MTMR3: variants seen among roughly 807,000 people sequenced by gnomAD.
MTMR3 encodes the protein myotubularin related protein 3, also known as phosphatidylinositol-3,5-bisphosphate 3-phosphatase MTMR3.
Under a neutral mutation model 132.4 loss-of-function variants are expected in MTMR3, and 32 were observed. That is an observed-to-expected ratio of 0.24 (90% CI 0.18 to 0.32). The LOEUF (loss-of-function observed/expected upper bound fraction) is 0.32, where lower values mean the gene tolerates loss of function less well. Among genes scored for constraint, MTMR3 ranks in the 10% least tolerant of loss-of-function variants. The pLI is 1.00. For missense variants in MTMR3, 1,216 were observed against 1,489.6 expected (o/e 0.82, Z 3.02); for synonymous variants, 556 against 550.3 (o/e 1.01, Z -0.14).
In MTMR3 at chr22:29,971,001, G is replaced by A. The variant is rs2066523299; in HGVS notation, c.-59G>A. ...ACTTCACCATAAGGGAAAGAAGAGA[G>A]CCTTGTTGGACACTGAAGAAGGGAC... On this transcript the variant is annotated 5_prime_UTR_variant, in exon 3 of 20. Coordinates refer to ENST00000401950, the MANE Select transcript of MTMR3 (RefSeq NM_021090.4). The A allele has an allele frequency of 6.9e-7, 1 of 1,450,056 alleles. No individual in the cohort carries two copies. The highest frequency in any genetic ancestry group is 9.3e-7 in the Non-Finnish European group (1 of 1,072,786). 89.8% of individuals were successfully genotyped at this position (1,450,056 alleles called of 1,614,324 possible). A position where few individuals can be genotyped will look rare whatever the true frequency, so the allele number is the denominator to read the frequency against.
At chr22:29,936,284 G>C (rs2065748556) in intron 1 of MTMR3, among the ~76,000 whole-genome samples, 1 of 152,094 alleles carries the variant, frequency 6.6e-6, no homozygotes, top group Non-Finnish European at 1.5e-5. Flanking sequence ...TTATGCTTGG[G>C]AACTTTTAGG....
intron 1 of MTMR3, among the ~76,000 whole-genome samples, chr22:29,919,663 C>T (rs1287056592): frequency 6.6e-6 from 1 of 151,722 alleles, no homozygotes; most frequent in African/African-American, 2.4e-5. Flanking sequence ...GCTAAGACTA[C>T]AGGCATGTGC....
intron 1 of MTMR3, among the ~76,000 whole-genome samples, chr22:29,902,754 C>T (rs571306362): frequency 5.3e-5 from 8 of 152,282 alleles, no homozygotes; most frequent in Middle Eastern, 6.8e-3. Flanking sequence ...CCCCTCTCCT[C>T]CCCCAAGATG....
Position 30,012,531 on chromosome 22 carries a change from C to G in MTMR3, c.1285C>G (p.Leu429Val). The change falls in exon 13 of 20, where the codon CTC becomes GTC. Residue 429 changes from leucine to valine, a missense_variant. Leu to Val is a conservative substitution (Grantham distance 32). Coordinates refer to ENST00000401950, the MANE Select transcript of MTMR3 (RefSeq NM_021090.4). The stretch of plus-strand genomic sequence containing the variant: ...CCCCCAGATTGTGGCATTGGCTAAG[C>G]TCTTGCTGGACCCTTATTACCGAAC... ...RTPQIVALAK[L>V]LLDPYYRTIE... The G allele has an allele frequency of 6.2e-7, 1 of 1,613,496 alleles. No homozygotes were observed.
At chr22:29,979,940 C>G (rs2066707339) in intron 5 of MTMR3, 1 of 152,220 alleles carries the variant, frequency 6.6e-6, no homozygotes, top group South Asian at 2.1e-4. Context: ...TCTCAGTGAA[C>G]TGGTTCTTCC....
At chr22:29,919,440 C>T (rs1489888363) in intron 1 of MTMR3, among the ~76,000 whole-genome samples, 1 of 152,170 alleles carries the variant, frequency 6.6e-6, no homozygotes, top group African/African-American at 2.4e-5. Flanking sequence ...GTTGAAATTA[C>T]TGTCGTAAAA....
intron 1 of MTMR3, among the ~76,000 whole-genome samples, chr22:29,918,952 C>T (rs1280932574): frequency 6.6e-6 from 1 of 152,120 alleles, no homozygotes; most frequent in Admixed American, 6.6e-5. Flanking sequence ...CACTTTGTTG[C>T]TCAGGGTGAT....
Position 29,962,680 on chromosome 22 carries a change from C to T in MTMR3, c.-85+5592C>T, listed in dbSNP as rs146742021. Among the ~76,000 whole-genome samples the T allele has an allele frequency of 8.0e-3, 1,216 of 152,106 alleles. 23 individuals are homozygous for T. The highest frequency in any genetic ancestry group is 0.028 in the African/African-American group (1,173 of 41,498). Reference sequence around the variant, plus strand: ...GGGCAGCAGAGCAAGACCCTGTCTCCAAAACAAAACAGAACTTCATAGCTG... The same window carrying T: ...GGGCAGCAGAGCAAGACCCTGTCTCTAAAACAAAACAGAACTTCATAGCTG... On this transcript the variant is annotated intron_variant, in intron 2 of 19. Transcript: ENST00000401950.
Position 30,019,311 on chromosome 22 carries a change from C to G in MTMR3, c.1821-169C>G. On this transcript the variant is annotated intron_variant, in intron 16 of 19. Transcript: ENST00000401950. ...ATCTGCACACTAGGAGGACTTGTTCCGGAGCTTTGCTGCTCCAGCAGTCTG... is the reference window on the plus strand; with the variant it reads ...ATCTGCACACTAGGAGGACTTGTTCGGGAGCTTTGCTGCTCCAGCAGTCTG... The G allele has an allele frequency of 7.8e-6, 5 of 644,280 alleles. No individual in the cohort carries two copies. In the South Asian group the frequency reaches 1.0e-4, roughly 13 times the overall value. 39.9% of individuals were successfully genotyped at this position (644,280 alleles called of 1,614,324 possible). A position where few individuals can be genotyped will look rare whatever the true frequency, so the allele number is the denominator to read the frequency against.
Position 30,026,899 on chromosome 22 carries a change from T to G in MTMR3, c.*1098T>G, listed in dbSNP as rs2067921792. ...CTTCTCTTCTTGGGACAGGAATAAC[T>G]GCTGAGCAGTCCCCCTTTGCCACTC... On this transcript the variant is annotated 3_prime_UTR_variant, in exon 20 of 20. Coordinates refer to ENST00000401950, the MANE Select transcript of MTMR3 (RefSeq NM_021090.4). 6.5e-6 allele frequency: 1 copy of G among 152,834 alleles called. No individual in the cohort carries two copies. Among genetic ancestry groups the G allele is most frequent in the East Asian group, 1.9e-4 (1 of 5,328 alleles). 9.5% of individuals were successfully genotyped at this position (152,834 alleles called of 1,614,324 possible).
At chr22:30,013,233 G>A in intron 13 of MTMR3, 123 bp from the exon 14 acceptor site, 4 of 939,582 alleles carry the variant, frequency 4.3e-6, no homozygotes, top group Non-Finnish European at 6.4e-6. Flanking sequence ...CCACCAAAGG[G>A]CAAGGCCGGG....
intron 11 of MTMR3, 39 bp downstream of exon 11, chr22:30,008,071 T>C: frequency 6.2e-7 from 1 of 1,605,036 alleles, no homozygotes; most frequent in Non-Finnish European, 8.5e-7. Context: ...ACTTTCTCCT[T>C]GTGAGTGTAG....
intron 5 of MTMR3, chr22:29,985,263 G>A (rs1214633215): frequency 6.6e-6 from 1 of 152,158 alleles, no homozygotes; most frequent in African/African-American, 2.4e-5. Context: ...ACTTTGGGAG[G>A]CCTAGGCGGG....
intron 1 of MTMR3, among the ~76,000 whole-genome samples, chr22:29,911,009 T>C (rs2065201133): frequency 6.6e-6 from 1 of 152,206 alleles, no homozygotes; most frequent in Non-Finnish European, 1.5e-5. Context: ...CACTTAATTA[T>C]ACTAGTAAAA....
rs1277459769 is a variant in MTMR3 at position 29,991,291 on chromosome 22, T to A, written c.294-213T>A. On this transcript the variant is annotated intron_variant, in intron 6 of 19. Transcript: ENST00000401950. ...TCTAAAAAAATAGGTTTTCCAATGG[T>A]CAGCTTCCTCCTTTTGGACATTTTG... 3.7e-5 allele frequency: 15 copies of A among 401,954 alleles called. No homozygotes were observed. In the Middle Eastern group the frequency reaches 2.6e-3, roughly 69 times the overall value. The allele number at this position is 401,954 out of a possible 1,614,324, so 24.9% of individuals were successfully genotyped here.
intron 15 of MTMR3, 134 bp downstream of exon 15, chr22:30,016,832 T>A: frequency 1.9e-6 from 2 of 1,058,122 alleles, no homozygotes; most frequent in East Asian, 4.9e-5. Context: ...GTTCCATTTT[T>A]CCCCCATGAT....
rs1376931686 is a variant in MTMR3, at chr22:30,029,973, A to G, written c.*4172A>G. The G allele has an allele frequency of 6.6e-6, 1 of 152,314 alleles. No homozygotes were observed. The highest frequency in any genetic ancestry group is 2.4e-5 in the African/African-American group (1 of 41,438). 9.4% of individuals were successfully genotyped at this position (152,314 alleles called of 1,614,324 possible). A position where few individuals can be genotyped will look rare whatever the true frequency, so the allele number is the denominator to read the frequency against. On this transcript the variant is annotated 3_prime_UTR_variant, in exon 20 of 20. Coordinates refer to ENST00000401950, the MANE Select transcript of MTMR3 (RefSeq NM_021090.4). ...TCTAAGCCTCTGACACTTAAACACG[A>G]GTCCTGCTGTCCCCAGCACACAACT...
In MTMR3 at chr22:29,919,969, AC is replaced by A. The variant is rs1328595068; in HGVS notation, c.-138+36611del. On this transcript the variant is annotated intron_variant, in intron 1 of 19. Coordinates refer to ENST00000401950, the MANE Select transcript of MTMR3 (RefSeq NM_021090.4). ...TATTATTAAGATTTAGGTTCCCAGC[AC>A]TTTGGGAGGCTGAGGCGGGCAGATC... is the stretch of plus-strand genomic sequence containing the variant. Among the ~76,000 whole-genome samples the A allele has an allele frequency of 5.3e-5, 8 of 152,176 alleles. 1 individual carries two copies. Among genetic ancestry groups the A allele is most frequent in the African/African-American group, 1.9e-4 (8 of 41,448 alleles).
rs571288865 is a variant in MTMR3, at chr22:29,944,190, G to C, written c.-137-12846G>C. Among the ~76,000 whole-genome samples the C allele has an allele frequency of 2.0e-5, 3 of 151,858 alleles. No individual in the cohort carries two copies. In the East Asian group the frequency reaches 5.8e-4, roughly 30 times the overall value. On this transcript the variant is annotated intron_variant, in intron 1 of 19. Coordinates refer to ENST00000401950, the MANE Select transcript of MTMR3 (RefSeq NM_021090.4). ...AGAAGAGTGAGAACAGTGTTTCGTG[G>C]TTCCTTTTGAGACATTAATATCTTT...
Sources: gnomAD v4.1 joint callset for allele counts (sites outside exome capture counted in the v4.1 genomes callset) on GRCh38, gnomAD v4.1.1 for gene constraint, MANE v1.5 for transcripts, NCBI Gene and HGNC (gene_info 2026-07-23, HGNC 2026-07-21) for gene names.